Variants in CNTNAP5 observed in about 807,000 individuals in gnomAD.
CNTNAP5 encodes contactin associated protein family member 5.
A neutral mutation model predicts 150.2 loss-of-function variants in CNTNAP5; 72 were observed. The ratio of observed to expected loss-of-function variants is 0.48; its 90% CI spans 0.40 to 0.58. The LOEUF is 0.58. Ranked by LOEUF, CNTNAP5 falls within the 20% of genes least tolerant of loss-of-function variation. CNTNAP5 has a pLI of 0.00. For synonymous variants in CNTNAP5, 672 were observed against 619.8 expected, an observed-to-expected ratio of 1.08 and a Z score of -1.25; for missense variants, 1,636 against 1,626.2, an observed-to-expected ratio of 1.01 and a Z score of -0.10.
chr2:124,455,838 G>T (rs1218402762), intron 6 of CNTNAP5, among the ~76,000 whole-genome samples: 1 of 152,090 alleles, frequency 6.6e-6, no homozygotes, highest in Non-Finnish European at 1.5e-5. Flanking sequence ...AAAAGATGCA[G>T]AAAAGGCATT....
At chr2:124,521,056 G>A (rs954740823) in intron 8 of CNTNAP5, among the ~76,000 whole-genome samples, 62 of 152,312 alleles carry the variant, frequency 4.1e-4, no homozygotes, top group African/African-American at 1.3e-3. Context: ...TGCCTGGGCA[G>A]CTCTCCTGGG....
At chr2:124,069,441 A>G (rs914930313) in intron 1 of CNTNAP5, among the ~76,000 whole-genome samples, 1 of 152,112 alleles carries the variant, frequency 6.6e-6, no homozygotes, top group Non-Finnish European at 1.5e-5. Context: ...AAAGGCACAA[A>G]CCTGGCTGAC....
At chr2:124,491,601 T>G (rs1204326931) in intron 7 of CNTNAP5, among the ~76,000 whole-genome samples, 1 of 152,158 alleles carries the variant, frequency 6.6e-6, no homozygotes, top group African/African-American at 2.4e-5. Context: ...TTCTTTCAGA[T>G]GTATACTCAG....
intron 13 of CNTNAP5, among the ~76,000 whole-genome samples, chr2:124,721,417 G>A (rs1216227398): frequency 6.6e-6 from 1 of 151,828 alleles, no homozygotes; most frequent in East Asian, 1.9e-4. Context: ...GGACGGCGGA[G>A]GTTGCAGTGA....
rs71412792 is a variant in CNTNAP5 at position 124,702,346 on chromosome 2, C to CTTTTT, written c.2078-44837_2078-44833dup. Among the ~76,000 whole-genome samples the CTTTTT allele has an allele frequency of 1.2e-3, 65 of 52,248 alleles. 15 individuals carry two copies. The highest frequency in any genetic ancestry group is 4.8e-3 in the East Asian group (5 of 1,046). The allele number at this position is 52,248 out of a possible 152,430, so 34.3% of individuals were successfully genotyped here. ...ATGTCCTTCTGTGAAACTATGAACACTTTTTTTTTTTTTTTTTTTTTTTTT... is the reference window on the plus strand; with the variant it reads ...ATGTCCTTCTGTGAAACTATGAACACTTTTTTTTTTTTTTTTTTTTTTTTTTTTTT... On this transcript the variant is annotated intron_variant, in intron 13 of 23. Coordinates refer to ENST00000682447, the MANE Select transcript of CNTNAP5 (RefSeq NM_001367498.1).
At chr2:124,056,485 A>AT in intron 1 of CNTNAP5, among the ~76,000 whole-genome samples, 1 of 152,044 alleles carries the variant, frequency 6.6e-6, no homozygotes, top group African/African-American at 2.4e-5. Flanking sequence ...AAAGAAAAAA[A>AT]GAAAGGAAAA....
chr2:124,220,304 G>A (rs536927550), intron 1 of CNTNAP5, among the ~76,000 whole-genome samples: 2 of 152,146 alleles, frequency 1.3e-5, no homozygotes, highest in South Asian at 2.1e-4. Context: ...ATGTGTACAA[G>A]ACAAAAAATA....
At chr2:124,482,078 A>T (rs958214407) in intron 7 of CNTNAP5, among the ~76,000 whole-genome samples, 2 of 152,196 alleles carry the variant, frequency 1.3e-5, no homozygotes, top group African/African-American at 4.8e-5. Context: ...ACGACCTCAG[A>T]TGTGCTTCCT....
In CNTNAP5 at chr2:124,772,988, G is replaced by T; in HGVS notation, c.2723G>T (p.Arg908Leu). ...TRETSEEGHF[R>L]LQLNSQLFVG... is the part of the protein sequence containing the mutation. Reference sequence around the variant, plus strand: ...GAGACGTCGGAGGAGGGCCATTTTCGACTGCAGCTGAACAGCCAGTTGTTT... The same window carrying T: ...GAGACGTCGGAGGAGGGCCATTTTCTACTGCAGCTGAACAGCCAGTTGTTT... Residue 908 changes from arginine (R) to leucine (L), a missense_variant, in exon 17 of 24, where the codon CGA (arginine) becomes CTA (leucine). Transcript: ENST00000682447. The T allele has an allele frequency of 6.2e-7, 1 of 1,613,210 alleles. No individual in the cohort carries two copies. The highest frequency in any genetic ancestry group is 8.5e-7 in the Non-Finnish European group (1 of 1,179,684).
chr2:124,025,550 A>C lies in CNTNAP5; in HGVS notation c.-101A>C. ...GAGTGCCTCTCCAAGCGGGGGTGGG[A>C]GGGGGTCAGGCTGTGCAGAGGAGAG... On this transcript the variant is annotated 5_prime_UTR_variant, in exon 1 of 24. Transcript: ENST00000682447. 1.0e-6 allele frequency: 1 copy of C among 971,656 alleles called. No individual in the cohort carries two copies. The highest frequency in any genetic ancestry group is 1.6e-6 in the Non-Finnish European group (1 of 608,014). 60.2% of individuals were successfully genotyped at this position (971,656 alleles called of 1,614,324 possible).
chr2:124,900,780 C>T (rs571195079), intron 21 of CNTNAP5, among the ~76,000 whole-genome samples: 1 of 151,670 alleles, frequency 6.6e-6, no homozygotes, highest in African/African-American at 2.4e-5. Context: ...TGAAATCCTA[C>T]AATGCAAAAA....
At chr2:124,411,040 A>T (rs1194759963) in intron 3 of CNTNAP5, among the ~76,000 whole-genome samples, 5 of 152,242 alleles carry the variant, frequency 3.3e-5, no homozygotes, top group Non-Finnish European at 7.3e-5. Context: ...AAAAAAGATA[A>T]AGGGGATATC....
chr2:124,500,479 TAGCCCAACAGG>T, intron 7 of CNTNAP5, among the ~76,000 whole-genome samples: 1 of 152,250 alleles, frequency 6.6e-6, no homozygotes, highest in East Asian at 1.9e-4. Flanking sequence ...TTTGCTAAAC[TAGCCCAACAGG>T]AGCTTTGTTG....
chr2:124,489,631 A>C (rs151022023), intron 7 of CNTNAP5, among the ~76,000 whole-genome samples: 2 of 152,082 alleles, frequency 1.3e-5, no homozygotes, highest in African/African-American at 4.8e-5. Flanking sequence ...CTCTCCTCCA[A>C]CTCCACTTCC....
intron 7 of CNTNAP5, among the ~76,000 whole-genome samples, chr2:124,492,460 T>C (rs1694053384): frequency 6.6e-6 from 1 of 152,200 alleles, no homozygotes; most frequent in Non-Finnish European, 1.5e-5. Context: ...GCCAGCATCA[T>C]ACTGTTCTGA....
At chr2:124,527,105 A>C (rs1407474077) in intron 9 of CNTNAP5, among the ~76,000 whole-genome samples, 180 bp from the exon 10 acceptor site, 3 of 152,076 alleles carry the variant, frequency 2.0e-5, no homozygotes, top group Admixed American at 2.0e-4. Context: ...AGTATACCCT[A>C]TTTTGTACCA....
In CNTNAP5 at chr2:124,378,006, G is replaced by T. The variant is rs992173111; in HGVS notation, c.382-39437G>T. Among the ~76,000 whole-genome samples, 15 of 152,044 alleles carry T rather than the reference G, an allele frequency of 9.9e-5. 1 individual carries two copies. Among genetic ancestry groups the T allele is most frequent in the Admixed American group, 4.6e-4 (7 of 15,256 alleles). ...TTCTAGGAGCCAATGCTAATTTCTGGGAATGTTGTTTAAGAACTTCTACTT... is the reference window on the plus strand; with the variant it reads ...TTCTAGGAGCCAATGCTAATTTCTGTGAATGTTGTTTAAGAACTTCTACTT... On this transcript the variant is annotated intron_variant, in intron 3 of 23. Coordinates refer to ENST00000682447, the MANE Select transcript of CNTNAP5 (RefSeq NM_001367498.1).
intron 7 of CNTNAP5, among the ~76,000 whole-genome samples, chr2:124,488,071 A>T (rs575697226): frequency 1.5e-4 from 23 of 152,342 alleles, no homozygotes; most frequent in African/African-American, 5.5e-4. Flanking sequence ...ACATTGCATT[A>T]CCATTATTCA....
In CNTNAP5 at chr2:124,515,304, C is replaced by T. The variant is rs536052423; in HGVS notation, c.1328-8999C>T. On this transcript the variant is annotated intron_variant, in intron 8 of 23. Coordinates refer to ENST00000682447, the MANE Select transcript of CNTNAP5 (RefSeq NM_001367498.1). ...GGGCAGAGCGGGGGGTGTCCCAAAA[C>T]GTGACTCAAACTCTGACCCCCAGGT... Among the ~76,000 whole-genome samples the T allele has an allele frequency of 2.2e-4, 34 of 152,248 alleles. No homozygotes were observed. In the South Asian group the frequency reaches 6.4e-3, roughly 29 times the overall value.
Sources: allele counts gnomAD v4.1 joint callset (sites outside exome capture counted in the v4.1 genomes callset), GRCh38; gene constraint gnomAD v4.1.1; transcripts MANE v1.5; gene names NCBI Gene and HGNC (gene_info 2026-07-23, HGNC 2026-07-21).